The following PTPN13 variants were observed in gnomAD, a reference collection of about 807,000 sequenced individuals.
PTPN13 encodes protein tyrosine phosphatase non-receptor type 13, also known as tyrosine-protein phosphatase non-receptor type 13.
Under a neutral mutation model 284.0 loss-of-function variants are expected in PTPN13, and 191 were observed. The ratio of observed to expected loss-of-function variants is 0.67; its 90% CI spans 0.60 to 0.76. The LOEUF (loss-of-function observed/expected upper bound fraction) is 0.76. Ranked by LOEUF, PTPN13 falls within the 30% of genes least tolerant of loss-of-function variation. PTPN13 has a pLI of 0.00. For synonymous variants in PTPN13, 986 were observed against 1,022.3 expected, an observed-to-expected ratio of 0.96 and a Z score of 0.68; for missense variants, 2,797 against 2,939.9, an observed-to-expected ratio of 0.95 and a Z score of 1.12.
chr4:86,780,626 A>T (rs1741196187), intron 36 of PTPN13, among the ~76,000 whole-genome samples, 154 bp downstream of exon 36: 1 of 152,232 alleles, frequency 6.6e-6, no homozygotes, highest in Non-Finnish European at 1.5e-5. Flanking sequence ...TCACTTGAAG[A>T]AAGTAAGCCT....
chr4:86,782,990 T>C (rs559884208), intron 37 of PTPN13, among the ~76,000 whole-genome samples: 2 of 152,304 alleles, frequency 1.3e-5, no homozygotes, highest in East Asian at 3.9e-4. Flanking sequence ...ATGCATCCCA[T>C]ACAATATGTT....
intron 1 of PTPN13, among the ~76,000 whole-genome samples, chr4:86,608,196 A>AG (rs1161619626): frequency 6.6e-6 from 1 of 152,104 alleles, no homozygotes; most frequent in Admixed American, 6.5e-5. Context: ...AAAAATAGTG[A>AG]GGGACATTAT....
chr4:86,623,768 A>T (rs80298736), intron 1 of PTPN13, among the ~76,000 whole-genome samples: 7,053 of 152,246 alleles, frequency 0.046, 218 homozygotes, highest in African/African-American at 0.06. Context: ...CTCCTTTAGA[A>T]CTTTGCTCAA....
At chr4:86,678,598 T>C (rs552346171) in intron 3 of PTPN13, among the ~76,000 whole-genome samples, 1 of 152,216 alleles carries the variant, frequency 6.6e-6, no homozygotes, top group East Asian at 1.9e-4. Context: ...TGAGACTCAA[T>C]AGATCTGAAA....
chr4:86,802,749 G>A (rs1230967347), intron 42 of PTPN13, among the ~76,000 whole-genome samples: 1 of 152,086 alleles, frequency 6.6e-6, no homozygotes, highest in Non-Finnish European at 1.5e-5. Flanking sequence ...ATCTGTTTTG[G>A]GGGAAATATT....
chr4:86,758,072 G>T (rs1022114279), intron 20 of PTPN13, among the ~76,000 whole-genome samples, 188 bp from the exon 21 acceptor site: 2 of 152,040 alleles, frequency 1.3e-5, no homozygotes, highest in African/African-American at 2.4e-5. Context: ...AATGTAATAC[G>T]TAGTCATTTT....
chr4:86,616,411 C>T (rs900764388), intron 1 of PTPN13, among the ~76,000 whole-genome samples: 2 of 152,004 alleles, frequency 1.3e-5, no homozygotes, highest in Non-Finnish European at 2.9e-5. Context: ...TGAAGTGAGG[C>T]AGCTCAGACG....
At chr4:86,665,837 A>AG (rs1258735203) in intron 2 of PTPN13, among the ~76,000 whole-genome samples, 1 of 152,146 alleles carries the variant, frequency 6.6e-6, no homozygotes, top group Middle Eastern at 3.2e-3. Flanking sequence ...TGGGGGGAAA[A>AG]TGCTAAGTAG....
In PTPN13 at chr4:86,724,474, T is replaced by C. The variant is rs112390279; in HGVS notation, c.1608+2040T>C. Among the ~76,000 whole-genome samples, 204 of 152,350 alleles carry C rather than the reference T, an allele frequency of 1.3e-3. 2 individuals carry two copies. Among genetic ancestry groups the C allele is most frequent in the African/African-American group, 4.6e-3 (191 of 41,594 alleles). On this transcript the variant is annotated intron_variant, in intron 10 of 47. Transcript: ENST00000411767. ...TAGCATGCCACTGTGATATGTCATC[T>C]CGCTAAAAACCTGTTTCCTTTTTTA...
intron 33 of PTPN13, 21 bp downstream of exon 33, chr4:86,774,552 G>A (rs1465777952): frequency 1.3e-6 from 2 of 1,569,966 alleles, no homozygotes; most frequent in Admixed American, 1.9e-5. Context: ...TAAGAGGAAT[G>A]GATTATTTGT....
At chr4:86,649,969 C>T (rs1724888648) in intron 2 of PTPN13, among the ~76,000 whole-genome samples, 1 of 152,090 alleles carries the variant, frequency 6.6e-6, no homozygotes, top group Non-Finnish European at 1.5e-5. Context: ...TCCTCTTCAA[C>T]TTATTTTCAT....
intron 1 of PTPN13, among the ~76,000 whole-genome samples, chr4:86,621,523 G>C (rs1721248888): frequency 6.6e-6 from 1 of 151,996 alleles, no homozygotes; most frequent in Non-Finnish European, 1.5e-5. Flanking sequence ...AACTGTACTT[G>C]AGCTTTTTTG....
intron 1 of PTPN13, among the ~76,000 whole-genome samples, chr4:86,598,436 T>C (rs1394592984): frequency 6.6e-6 from 1 of 152,196 alleles, no homozygotes; most frequent in African/African-American, 2.4e-5. Context: ...TGAGCCACCG[T>C]GCCTGGTCCC....
intron 21 of PTPN13, 55 bp from the exon 22 acceptor site, chr4:86,758,623 A>G (rs1738294062): frequency 7.7e-6 from 11 of 1,429,708 alleles, no homozygotes; most frequent in Non-Finnish European, 1.1e-5. Flanking sequence ...CAGGCTAATC[A>G]TTAGTCTTTG....
chr4:86,799,317 C>CTTTTTTTTTT (rs11358237), intron 42 of PTPN13, 113 bp downstream of exon 42: 4 of 359,308 alleles, frequency 1.1e-5, no homozygotes, highest in African/African-American at 2.5e-5. Context: ...ACATTATTTG[C>CTTTTTTTTTT]TTTTTTTTTT....
intron 2 of PTPN13, among the ~76,000 whole-genome samples, chr4:86,658,274 T>A (rs1009140482): frequency 6.6e-6 from 1 of 152,168 alleles, no homozygotes; most frequent in Non-Finnish European, 1.5e-5. Flanking sequence ...CTTCACTCTC[T>A]CCTCCATGCA....
At chr4:86,732,518 C>T in intron 11 of PTPN13, 44 bp downstream of exon 11, 1 of 1,591,670 alleles carries the variant, frequency 6.3e-7, no homozygotes, top group Non-Finnish European at 8.6e-7. Context: ...AAAATAATTT[C>T]AGTAGTGTTA....
At chr4:86,814,420 A>G in intron 47 of PTPN13, 36 bp from the exon 48 acceptor site, 1 of 1,331,082 alleles carries the variant, frequency 7.5e-7, no homozygotes. Flanking sequence ...TACATTATAC[A>G]TCTAAAGTAT....
rs146528906 is a variant in PTPN13, at chr4:86,742,827, G to A, written c.2487+1011G>A. 1.8e-3 allele frequency among the ~76,000 whole-genome samples: 274 copies of A among 152,270 alleles called. 3 individuals are homozygous for A. Among genetic ancestry groups the A allele is most frequent in the South Asian group, 0.012 (60 of 4,822 alleles). On this transcript the variant is annotated intron_variant, in intron 16 of 47. Transcript: ENST00000411767. ...TTAATTATAAATCCAGTTTTGGACC[G>A]TTTTGAAAAGGTGACAAGTCAAATA...
Sources: allele counts gnomAD v4.1 joint callset (sites outside exome capture counted in the v4.1 genomes callset), GRCh38; gene constraint gnomAD v4.1.1; transcripts MANE v1.5; gene names NCBI Gene and HGNC (gene_info 2026-07-23, HGNC 2026-07-21).